The following ZNF385B variants were observed in gnomAD, a reference collection of about 807,000 sequenced individuals.
ZNF385B encodes zinc finger protein 533.
Under a neutral mutation model 39.2 loss-of-function variants are expected in ZNF385B, and 23 were observed. The observed-to-expected ratio is 0.59, with a 90% CI of 0.42 to 0.83. The LOEUF (loss-of-function observed/expected upper bound fraction) is 0.83, where lower values mean the gene tolerates loss of function less well. ZNF385B is among the 40% of genes least tolerant of loss of function. ZNF385B has a pLI of 0.00. For missense variants in ZNF385B, 552 were observed against 598.9 expected (o/e 0.92, Z 0.82); for synonymous variants, 205 against 222.6 (o/e 0.92, Z 0.70).
At chr2:179,529,010 G>C (rs370380206) in intron 4 of ZNF385B, among the ~76,000 whole-genome samples, 1 of 152,082 alleles carries the variant, frequency 6.6e-6, no homozygotes, top group Admixed American at 6.6e-5. Context: ...AATGGGTATG[G>C]GACTTAATTA....
intron 3 of ZNF385B, among the ~76,000 whole-genome samples, chr2:179,608,343 A>T (rs914615607): frequency 6.6e-6 from 1 of 152,128 alleles, no homozygotes; most frequent in Admixed American, 6.6e-5. Flanking sequence ...TGTGAACTTC[A>T]ATCTGTAGAA....
intron 3 of ZNF385B, among the ~76,000 whole-genome samples, chr2:179,593,730 A>G (rs1006968386): frequency 1.3e-5 from 2 of 152,316 alleles, no homozygotes; most frequent in Non-Finnish European, 1.5e-5. Flanking sequence ...GCTTATCTAT[A>G]CCATCCTTTA....
At chr2:179,462,529 A>T (rs1331746952) in intron 6 of ZNF385B, among the ~76,000 whole-genome samples, 1 of 152,176 alleles carries the variant, frequency 6.6e-6, no homozygotes, top group Non-Finnish European at 1.5e-5. Flanking sequence ...CCACCAACTG[A>T]TGACATATAT....
At chr2:179,456,518 GA>G (rs2050725305) in intron 6 of ZNF385B, among the ~76,000 whole-genome samples, 1 of 151,958 alleles carries the variant, frequency 6.6e-6, no homozygotes, top group African/African-American at 2.4e-5. Context: ...ACTCTGAAAG[GA>G]AACAAAAATC....
chr2:179,463,814 C>T (rs571132723), intron 6 of ZNF385B, among the ~76,000 whole-genome samples: 47 of 152,240 alleles, frequency 3.1e-4, no homozygotes, highest in African/African-American at 8.9e-4. Flanking sequence ...AATAAACATA[C>T]GTGTGCACGT....
rs369909233 is a variant in ZNF385B, at chr2:179,731,650, G to A, written c.298+37853C>T. 2.0e-4 allele frequency among the ~76,000 whole-genome samples: 31 copies of A among 152,160 alleles called. 1 individual carries two copies. The highest frequency in any genetic ancestry group is 4.4e-4 in the Non-Finnish European group (30 of 68,028). ...CACTTAAAAATCTCCTGCCAGAAGTGGTGCCTCATGCCTGTATTCCCAGCT... is the reference window on the plus strand; with the variant it reads ...CACTTAAAAATCTCCTGCCAGAAGTAGTGCCTCATGCCTGTATTCCCAGCT... On this transcript the variant is annotated intron_variant, in intron 3 of 9. Coordinates refer to ENST00000410066, the MANE Select transcript of ZNF385B (RefSeq NM_152520.6).
chr2:179,734,030 A>T (rs987137282), intron 3 of ZNF385B, among the ~76,000 whole-genome samples: 1 of 152,160 alleles, frequency 6.6e-6, no homozygotes, highest in Admixed American at 6.5e-5. Context: ...TTTGTTCTGC[A>T]TATTGCAAAT....
At chr2:179,483,785 G>C (rs2054270410) in intron 5 of ZNF385B, among the ~76,000 whole-genome samples, 1 of 152,184 alleles carries the variant, frequency 6.6e-6, no homozygotes, top group East Asian at 1.9e-4. Flanking sequence ...CAGGGGCTTT[G>C]AGTGTCCTAC....
intron 4 of ZNF385B, among the ~76,000 whole-genome samples, chr2:179,532,206 G>T (rs1192492664): frequency 6.6e-6 from 1 of 152,110 alleles, no homozygotes; most frequent in African/African-American, 2.4e-5. Context: ...TTCTGAATTT[G>T]TAAGGAAATG....
At chr2:179,732,000 A>G (rs941503535) in intron 3 of ZNF385B, among the ~76,000 whole-genome samples, 1 of 152,238 alleles carries the variant, frequency 6.6e-6, no homozygotes, top group Non-Finnish European at 1.5e-5. Flanking sequence ...GTAAAGAAAG[A>G]ATGCCTAGCA....
At chr2:179,783,757 C>G (rs1300279239) in intron 1 of ZNF385B, among the ~76,000 whole-genome samples, 1 of 151,814 alleles carries the variant, frequency 6.6e-6, no homozygotes, top group Non-Finnish European at 1.5e-5. Flanking sequence ...TAGAGAAATG[C>G]CAATCAAAAT....
At chr2:179,600,588 A>C (rs557260211) in intron 3 of ZNF385B, among the ~76,000 whole-genome samples, 1 of 152,338 alleles carries the variant, frequency 6.6e-6, no homozygotes, top group East Asian at 1.9e-4. Flanking sequence ...CAAATAATTT[A>C]TCTCTCAAAT....
rs774281320 is a variant in ZNF385B at position 179,443,444 on chromosome 2, T to C, written c.1267A>G (p.Met423Val). The change falls in exon 10 of 10, where the codon ATG becomes GTG. Residue 423 changes from methionine (M) to valine (V), a missense_variant. Coordinates refer to ENST00000410066, the MANE Select transcript of ZNF385B (RefSeq NM_152520.6). ...LAAKLAFQKDMMKPLAPAFLS... is the reference protein window; with the variant it reads ...LAAKLAFQKDVMKPLAPAFLS... ...AAGGCTGGGGCCAAAGGCTTCATCA[T>C]ATCTTTCTGGAATGCAAGTTTTGCC... is the stretch of plus-strand genomic sequence containing the variant. 1.3e-5 allele frequency: 21 copies of C among 1,605,222 alleles called. No individual in the cohort carries two copies. The East Asian group carries it at 4.3e-4, about 33-fold the overall frequency.
chr2:179,672,420 C>T (rs1335106637), intron 3 of ZNF385B, among the ~76,000 whole-genome samples: 1 of 152,072 alleles, frequency 6.6e-6, no homozygotes, highest in Non-Finnish European at 1.5e-5. Context: ...ACTTTTGAGT[C>T]AATGCTGAAA....
chr2:179,446,871 G>A (rs2049553217), intron 6 of ZNF385B, 101 bp from the exon 7 acceptor site: 34 of 1,439,112 alleles, frequency 2.4e-5, no homozygotes, highest in Non-Finnish European at 3.2e-5. Flanking sequence ...ATTCTTATGT[G>A]AAGTTTTTAT....
chr2:179,508,958 T>C (rs1032233983), intron 5 of ZNF385B, among the ~76,000 whole-genome samples: 4 of 151,790 alleles, frequency 2.6e-5, no homozygotes, highest in African/African-American at 9.7e-5. Flanking sequence ...CTTTTTTTTT[T>C]TTTTTTGAGA....
At chr2:179,552,625 G>A (rs920803193) in intron 3 of ZNF385B, among the ~76,000 whole-genome samples, 4 of 148,548 alleles carry the variant, frequency 2.7e-5, no homozygotes, top group Non-Finnish European at 5.9e-5. Context: ...CTCTCATCAG[G>A]ATAATTGCCA....
In ZNF385B at chr2:179,749,064, A is replaced by G. The variant is rs547952529; in HGVS notation, c.298+20439T>C. 2.0e-5 allele frequency among the ~76,000 whole-genome samples: 3 copies of G among 152,222 alleles called. No individual in the cohort carries two copies. The East Asian group carries it at 5.8e-4, about 29-fold the overall frequency. On this transcript the variant is annotated intron_variant, in intron 3 of 9. Transcript: ENST00000410066. ...TTGACAATACAACATAATTTGGTGAATTCTTCTTTTTTTTAGCAACCAAAA... is the reference window on the plus strand; with the variant it reads ...TTGACAATACAACATAATTTGGTGAGTTCTTCTTTTTTTTAGCAACCAAAA...
intron 1 of ZNF385B, among the ~76,000 whole-genome samples, chr2:179,847,590 C>T (rs1708862208): frequency 6.6e-6 from 1 of 152,174 alleles, no homozygotes; most frequent in African/African-American, 2.4e-5. Context: ...TTCCTAAACC[C>T]TTCTCTTTTC....
Sources: gnomAD v4.1 joint callset for allele counts (sites outside exome capture counted in the v4.1 genomes callset) on GRCh38, gnomAD v4.1.1 for gene constraint, MANE v1.5 for transcripts, NCBI Gene and HGNC (gene_info 2026-07-23, HGNC 2026-07-21) for gene names.